The following PTPRT variants were observed in gnomAD, a reference collection of about 807,000 sequenced individuals.
PTPRT encodes receptor-type tyrosine-protein phosphatase T.
In PTPRT, 56 loss-of-function variants were observed where a neutral mutation model predicts 176.8. That is an observed-to-expected ratio of 0.32 (90% CI 0.26 to 0.40). PTPRT has a LOEUF of 0.40. PTPRT is among the 10% of genes least tolerant of loss of function. The probability of loss-of-function intolerance (pLI) is 1.00; values close to 1 mark genes in which losing one functional copy is unlikely to be tolerated. For missense variants in PTPRT, 1,540 were observed against 1,908.2 expected, an observed-to-expected ratio of 0.81 and a Z score of 3.60; for synonymous variants, 783 against 739.0, an observed-to-expected ratio of 1.06 and a Z score of -0.96.
At position 42,677,960 on chromosome 20, in the gene PTPRT, A is replaced by G. The variant is rs2425516; in HGVS notation, c.1059T>C (p.Asp353=). 590,463 of 1,613,836 alleles carry G rather than the reference A, an allele frequency of 0.37. 109,462 individuals carry two copies. Among genetic ancestry groups the G allele is most frequent in the African/African-American group, 0.46 (34,332 of 74,946 alleles). Residue 353 remains aspartate, a synonymous_variant, in exon 7 of 31, where the codon GAT becomes GAC. Transcript: ENST00000373187. ...PNYKLWHLDP[D]VEYEIRVLLT... is the part of the protein sequence containing the mutation. ...GGAGCACTCGGATCTCATACTCAAC[A>G]TCGGGGTCCAGATGCCACAGCTTAT...
At chr20:42,431,367 T>TA (rs2059214625) in intron 9 of PTPRT, among the ~76,000 whole-genome samples, 1 of 151,944 alleles carries the variant, frequency 6.6e-6, no homozygotes, top group African/African-American at 2.4e-5. Flanking sequence ...ATCAAATATA[T>TA]AAAAAATAAA....
intron 7 of PTPRT, among the ~76,000 whole-genome samples, chr20:42,607,817 C>G (rs570612667): frequency 6.6e-6 from 1 of 151,996 alleles, no homozygotes; most frequent in African/African-American, 2.4e-5. Flanking sequence ...CTTTTGCTTC[C>G]GGGTCTTCTT....
At chr20:42,066,205 A>ATT in the PTPRT span, among the ~76,000 whole-genome samples, 11 of 150,510 alleles carry the variant, frequency 7.3e-5, no homozygotes, top group East Asian at 2.0e-4. Context: ...ATGACGGCTG[A>ATT]TTTTTTTTGT....
intron 29 of PTPRT, among the ~76,000 whole-genome samples, chr20:42,083,992 T>C (rs775006955): frequency 4.6e-5 from 7 of 152,374 alleles, no homozygotes; most frequent in African/African-American, 7.2e-5. Flanking sequence ...ATGACATTCT[T>C]GGTCTCTATG....
In PTPRT at chr20:42,080,778, G is replaced by T. The variant is rs1486123246; in HGVS notation, c.*101C>A. On this transcript the variant is annotated 3_prime_UTR_variant, in exon 31 of 31. Transcript: ENST00000373187. The stretch of plus-strand genomic sequence containing the variant: ...AGTCTTCTCCTTGGAGTCAGGCAGG[G>T]TGCCACCTCAGAGCTCCTGAGCCCA... The T allele has an allele frequency of 7.5e-6, 9 of 1,200,452 alleles. No individual in the cohort carries two copies. The highest frequency in any genetic ancestry group is 2.4e-5 in the East Asian group (1 of 42,320). 74.4% of individuals were successfully genotyped at this position (1,200,452 alleles called of 1,614,324 possible).
At chr20:42,559,453 AT>A (rs1261755647) in intron 7 of PTPRT, among the ~76,000 whole-genome samples, 1 of 152,184 alleles carries the variant, frequency 6.6e-6, no homozygotes, top group Admixed American at 6.5e-5. Flanking sequence ...TCTCTATGCC[AT>A]ACTTTTGTTT....
rs576114167 is a variant in PTPRT at position 43,032,676 on chromosome 20, G to A, written c.89-146744C>T. On this transcript the variant is annotated intron_variant, in intron 1 of 30. Coordinates refer to ENST00000373187, the MANE Select transcript of PTPRT (RefSeq NM_007050.6). ...CTCTTATCTTAGCCCCCCGCAGAGC[G>A]TCAGGCCTGAGATCAAAGCAGATCT... is the stretch of plus-strand genomic sequence containing the variant. Among the ~76,000 whole-genome samples, 8 of 152,192 alleles carry A rather than the reference G, an allele frequency of 5.3e-5. No homozygotes were observed. In the South Asian group the frequency reaches 6.2e-4, roughly 12 times the overall value.
intron 7 of PTPRT, among the ~76,000 whole-genome samples, chr20:42,604,883 G>A (rs1055091226): frequency 6.6e-6 from 1 of 152,188 alleles, no homozygotes; most frequent in Non-Finnish European, 1.5e-5. Flanking sequence ...CCCCCTTGAG[G>A]CTTGGTGTGT....
At chr20:42,156,628 G>T (rs1428999818) in intron 17 of PTPRT, among the ~76,000 whole-genome samples, 2 of 152,188 alleles carry the variant, frequency 1.3e-5, no homozygotes, top group Admixed American at 6.5e-5. Flanking sequence ...TTCCAGCTCT[G>T]CTTTACTTGA....
chr20:42,532,743 A>G (rs2072406307), intron 7 of PTPRT, among the ~76,000 whole-genome samples: 1 of 152,042 alleles, frequency 6.6e-6, no homozygotes, highest in South Asian at 2.1e-4. Flanking sequence ...TAGACCTGAA[A>G]CCATTCCCCC....
At chr20:42,050,049 A>C in the PTPRT span, among the ~76,000 whole-genome samples, 2 of 152,200 alleles carry the variant, frequency 1.3e-5, no homozygotes, top group Non-Finnish European at 2.9e-5. Context: ...GCTCTTCCAC[A>C]AATATTTCGG....
chr20:42,533,358 C>T (rs545401043), intron 7 of PTPRT, among the ~76,000 whole-genome samples: 36 of 152,256 alleles, frequency 2.4e-4, no homozygotes, highest in Middle Eastern at 6.8e-3. Context: ...CTTCCCAGCC[C>T]GGCAGTGAGC....
At chr20:42,274,951 T>C (rs2057004145) in intron 13 of PTPRT, among the ~76,000 whole-genome samples, 1 of 152,150 alleles carries the variant, frequency 6.6e-6, no homozygotes, top group Non-Finnish European at 1.5e-5. Context: ...ATCCTGTCAG[T>C]GGTCAATGAA....
At chr20:42,417,678 G>C (rs1350619599) in intron 9 of PTPRT, among the ~76,000 whole-genome samples, 1 of 150,018 alleles carries the variant, frequency 6.7e-6, no homozygotes, top group East Asian at 1.9e-4. Context: ...ACTGTATCTA[G>C]CATGCCCAAG....
At chr20:42,771,143 T>C (rs943320226) in intron 5 of PTPRT, among the ~76,000 whole-genome samples, 6 of 152,150 alleles carry the variant, frequency 3.9e-5, no homozygotes, top group Non-Finnish European at 8.8e-5. Flanking sequence ...GTTTGGGCCA[T>C]GAGACACATC....
chr20:42,539,127 G>A (rs1218407204), intron 7 of PTPRT, among the ~76,000 whole-genome samples: 1 of 152,156 alleles, frequency 6.6e-6, no homozygotes, highest in Non-Finnish European at 1.5e-5. Flanking sequence ...GATCTTCAGA[G>A]CCTAAGTACA....
At chr20:42,829,807 C>T (rs2078056088) in intron 2 of PTPRT, among the ~76,000 whole-genome samples, 1 of 152,146 alleles carries the variant, frequency 6.6e-6, no homozygotes, top group Non-Finnish European at 1.5e-5. Context: ...TCCTTAGAAA[C>T]TACCATGAAC....
intron 6 of PTPRT, among the ~76,000 whole-genome samples, chr20:42,693,431 G>A (rs1004127045): frequency 2.6e-5 from 4 of 152,172 alleles, no homozygotes; most frequent in African/African-American, 9.7e-5. Flanking sequence ...GAAAGTTAGA[G>A]AGCTTACCTT....
chr20:42,544,542 C>G (rs1453736570), intron 7 of PTPRT, among the ~76,000 whole-genome samples: 2 of 152,162 alleles, frequency 1.3e-5, no homozygotes, highest in African/African-American at 4.8e-5. Context: ...GACTGTTTCA[C>G]TCCTGTTGTC....
Sources: gnomAD v4.1 joint callset for allele counts (sites outside exome capture counted in the v4.1 genomes callset) on GRCh38, gnomAD v4.1.1 for gene constraint, MANE v1.5 for transcripts, NCBI Gene and HGNC (gene_info 2026-07-23, HGNC 2026-07-21) for gene names.